Variants in PTPRT observed in about 807,000 individuals in gnomAD.
The protein encoded by PTPRT is protein tyrosine phosphatase receptor type T, also known as receptor-type tyrosine-protein phosphatase T.
In PTPRT, 56 loss-of-function variants were observed where a neutral mutation model predicts 176.8. That is an observed-to-expected ratio of 0.32 (90% CI 0.26 to 0.40). PTPRT has a LOEUF of 0.40. Among genes scored for constraint, PTPRT ranks in the 10% least tolerant of loss-of-function variants. The pLI is 1.00. For missense variants in PTPRT, 1,540 were observed against 1,908.2 expected (o/e 0.81, Z 3.60); for synonymous variants, 783 against 739.0 (o/e 1.06, Z -0.96).
intron 12 of PTPRT, among the ~76,000 whole-genome samples, chr20:42,302,379 C>T (rs1177599355): frequency 1.3e-5 from 2 of 152,184 alleles, no homozygotes; most frequent in Non-Finnish European, 2.9e-5. Context: ...CCGGGATTGT[C>T]TTCCCAAATG....
intron 1 of PTPRT, among the ~76,000 whole-genome samples, chr20:42,939,969 C>T (rs1980437763): frequency 6.6e-6 from 1 of 152,116 alleles, no homozygotes; most frequent in Admixed American, 6.6e-5. Flanking sequence ...TATTCTGTCA[C>T]CCACTGAGAG....
chr20:42,895,936 C>T (rs1267024249), intron 1 of PTPRT, among the ~76,000 whole-genome samples: 2 of 152,052 alleles, frequency 1.3e-5, no homozygotes, highest in Admixed American at 1.3e-4. Flanking sequence ...TGAATGTATG[C>T]CATGTGCTAC....
intron 13 of PTPRT, among the ~76,000 whole-genome samples, chr20:42,252,008 G>A (rs1237738500): frequency 2.6e-5 from 4 of 152,208 alleles, no homozygotes; most frequent in African/African-American, 9.6e-5. Flanking sequence ...ATTCAGATGG[G>A]AGTTGATAGT....
At chr20:42,710,471 C>A (rs2076128112) in intron 6 of PTPRT, among the ~76,000 whole-genome samples, 1 of 152,228 alleles carries the variant, frequency 6.6e-6, no homozygotes, top group Admixed American at 6.5e-5. Context: ...GCTCAGGTTG[C>A]CAGCCCAGAG....
intron 1 of PTPRT, among the ~76,000 whole-genome samples, chr20:43,183,518 T>C (rs2015318021): frequency 6.6e-6 from 1 of 152,170 alleles, no homozygotes; most frequent in African/African-American, 2.4e-5. Flanking sequence ...CAAATAAAAG[T>C]TTTAACAGCT....
chr20:42,464,852 A>G (rs1027012167), intron 8 of PTPRT, among the ~76,000 whole-genome samples: 4 of 152,148 alleles, frequency 2.6e-5, no homozygotes, highest in African/African-American at 9.7e-5. Context: ...ATCCTTAGCA[A>G]CATGCAGCCT....
intron 21 of PTPRT, among the ~76,000 whole-genome samples, chr20:42,117,934 G>A (rs887646580): frequency 6.6e-6 from 1 of 152,198 alleles, no homozygotes; most frequent in African/African-American, 2.4e-5. Flanking sequence ...TTATTGAGTA[G>A]AATCTGTGAT....
intron 7 of PTPRT, among the ~76,000 whole-genome samples, chr20:42,604,861 G>T (rs947517210): frequency 1.3e-5 from 2 of 152,216 alleles, no homozygotes; most frequent in African/African-American, 4.8e-5. Context: ...GGCCTGCCCA[G>T]TTGACCCAGG....
intron 18 of PTPRT, among the ~76,000 whole-genome samples, chr20:42,140,024 G>A (rs1186689785): frequency 6.6e-6 from 1 of 152,256 alleles, no homozygotes; most frequent in East Asian, 1.9e-4. Flanking sequence ...TTTCTGATTA[G>A]TTCTACCATT....
intron 12 of PTPRT, among the ~76,000 whole-genome samples, chr20:42,289,978 A>G (rs2057292732): frequency 1.3e-5 from 2 of 152,078 alleles, no homozygotes; most frequent in African/African-American, 2.4e-5. Context: ...TTAGGTACAG[A>G]ATAACAAAGC....
chr20:42,665,801 G>T (rs1053084147), intron 7 of PTPRT, among the ~76,000 whole-genome samples: 1 of 152,050 alleles, frequency 6.6e-6, no homozygotes, highest in Non-Finnish European at 1.5e-5. Flanking sequence ...TAGGGACATG[G>T]ATGAAGCTGA....
At position 42,580,335 on chromosome 20, in the gene PTPRT, C is replaced by G. The variant is rs62203795; in HGVS notation, c.1153+97531G>C. ...TGTAGTATAGTTTGAAGTCAGGTAG[C>G]GTGATGCCTCCAGCTTTGTTCTTTT... On this transcript the variant is annotated intron_variant, in intron 7 of 30. Transcript: ENST00000373187. Among the ~76,000 whole-genome samples, 18 of 151,514 alleles carry G rather than the reference C, an allele frequency of 1.2e-4. No homozygotes were observed. The East Asian group carries it at 3.3e-3, about 28-fold the overall frequency.
chr20:43,024,667 T>C (rs1190890576), intron 1 of PTPRT, among the ~76,000 whole-genome samples: 1 of 152,048 alleles, frequency 6.6e-6, no homozygotes, highest in African/African-American at 2.4e-5. Context: ...TGAAATGGTA[T>C]TAATAAAAGT....
intron 9 of PTPRT, among the ~76,000 whole-genome samples, chr20:42,401,267 C>A (rs893532696): frequency 7.2e-5 from 11 of 152,072 alleles, no homozygotes; most frequent in African/African-American, 2.7e-4. Flanking sequence ...TTTTCCCTCA[C>A]TCTCCACCAT....
At chr20:42,795,136 G>A (rs1471177563) in intron 2 of PTPRT, among the ~76,000 whole-genome samples, 2 of 151,458 alleles carry the variant, frequency 1.3e-5, no homozygotes, top group Non-Finnish European at 2.9e-5. Flanking sequence ...AGATCAGTCA[G>A]AAACAAGAAA....
In PTPRT at chr20:43,176,068, AGCCTGGC is replaced by A. The variant is rs1413676527; in HGVS notation, c.88+13571_88+13577del. 1.7e-3 allele frequency among the ~76,000 whole-genome samples: 3 copies of A among 1,774 alleles called. 1 individual carries two copies. The highest frequency in any genetic ancestry group is 4.3e-3 in the Non-Finnish European group (3 of 702). 1.2% of individuals were successfully genotyped at this position (1,774 alleles called of 152,430 possible). On this transcript the variant is annotated intron_variant, in intron 1 of 30. Coordinates refer to ENST00000373187, the MANE Select transcript of PTPRT (RefSeq NM_007050.6). ...GGCTCTGACTGTGCCACTGCACTCC[AGCCTGGC>A]AACAGAGCGAGACCCTGGGCTCTGA...
intron 9 of PTPRT, among the ~76,000 whole-genome samples, chr20:42,399,075 C>G (rs1281444911): frequency 6.6e-6 from 1 of 152,240 alleles, no homozygotes; most frequent in African/African-American, 2.4e-5. Flanking sequence ...CCTAGTCAGT[C>G]AAGGCGTTTG....
At chr20:42,503,074 C>T (rs1369716983) in intron 7 of PTPRT, among the ~76,000 whole-genome samples, 2 of 151,870 alleles carry the variant, frequency 1.3e-5, no homozygotes, top group Non-Finnish European at 2.9e-5. Context: ...TTGTTTGTGC[C>T]AACTTTTTTT....
intron 9 of PTPRT, among the ~76,000 whole-genome samples, chr20:42,441,145 G>A (rs977786136): frequency 3.3e-5 from 5 of 152,324 alleles, no homozygotes; most frequent in Middle Eastern, 3.4e-3. Context: ...GTTCAAGTCT[G>A]TTGCGGGCCT....
Sources: allele counts gnomAD v4.1 joint callset (sites outside exome capture counted in the v4.1 genomes callset), GRCh38; gene constraint gnomAD v4.1.1; transcripts MANE v1.5; gene names NCBI Gene and HGNC (gene_info 2026-07-23, HGNC 2026-07-21).